Variants in SLX4IP observed in about 807,000 individuals in gnomAD.
SLX4IP encodes protein SLX4IP.
In SLX4IP, 34 loss-of-function variants were observed where a neutral mutation model predicts 32.9. That is an observed-to-expected ratio of 1.03 (90% CI 0.79 to 1.38). The LOEUF is 1.38. SLX4IP is among the 40% of genes most tolerant of loss of function. The pLI is 0.00. For synonymous variants in SLX4IP, 172 were observed against 171.7 expected (o/e 1.00, Z -0.01); for missense variants, 444 against 479.0 (o/e 0.93, Z 0.68).
At chr20:10,571,392 A>G (rs1327043738) in intron 4 of SLX4IP, among the ~76,000 whole-genome samples, 1 of 152,090 alleles carries the variant, frequency 6.6e-6, no homozygotes, top group African/African-American at 2.4e-5. Flanking sequence ...GAGAGTGCCC[A>G]TGGTCATTGA....
At chr20:10,613,577 A>C (rs1246513417) in intron 6 of SLX4IP, 1 of 1,612,688 alleles carries the variant, frequency 6.2e-7, no homozygotes, top group Non-Finnish European at 8.5e-7. Context: ...CCTTCAGGCT[A>C]TCCACGCCTT....
intron 1 of SLX4IP, among the ~76,000 whole-genome samples, chr20:10,456,365 G>A (rs1381573484): frequency 6.6e-6 from 1 of 151,938 alleles, no homozygotes; most frequent in Non-Finnish European, 1.5e-5. Context: ...TTTTTCAGAC[G>A]GAGTCTTGCT....
chr20:10,592,061 T>G (rs905661307), intron 4 of SLX4IP, among the ~76,000 whole-genome samples: 1 of 152,212 alleles, frequency 6.6e-6, no homozygotes, highest in Non-Finnish European at 1.5e-5. Context: ...CATGAAACAT[T>G]TCATGCTCCA....
chr20:10,514,158 G>T (rs2065832031), intron 2 of SLX4IP, among the ~76,000 whole-genome samples: 1 of 152,114 alleles, frequency 6.6e-6, no homozygotes, highest in Non-Finnish European at 1.5e-5. Flanking sequence ...CTCTAGGTTT[G>T]GTTACAAAAC....
intron 1 of SLX4IP, among the ~76,000 whole-genome samples, chr20:10,452,296 T>C (rs1219459036): frequency 2.6e-5 from 4 of 151,926 alleles, no homozygotes; most frequent in African/African-American, 7.3e-5. Flanking sequence ...TTTGGGAGGC[T>C]GAGGCTGGTG....
intron 2 of SLX4IP, among the ~76,000 whole-genome samples, chr20:10,522,974 C>T (rs2065911998): frequency 6.6e-6 from 1 of 152,180 alleles, no homozygotes; most frequent in Admixed American, 6.5e-5. Flanking sequence ...TCTCTCTAAG[C>T]CCTGATCATC....
chr20:10,620,560 C>CTT (rs1005373433), intron 6 of SLX4IP, among the ~76,000 whole-genome samples: 1 of 147,038 alleles, frequency 6.8e-6, no homozygotes. Context: ...ATAAAATATT[C>CTT]TTTTTTTTTT....
At position 10,627,570 on chromosome 20, in the gene SLX4IP, A is replaced by G. The variant is rs895798614; in HGVS notation, c.*4191A>G. On this transcript the variant is annotated 3_prime_UTR_variant, in exon 8 of 8. Coordinates refer to ENST00000334534, the MANE Select transcript of SLX4IP (RefSeq NM_001009608.3). Reference sequence around the variant, plus strand: ...CAAGACAGGGAACAAATATGTGTCAATGTGCAGCTTAACAGAGGGGACTTG... The same window carrying G: ...CAAGACAGGGAACAAATATGTGTCAGTGTGCAGCTTAACAGAGGGGACTTG... 2.0e-5 allele frequency: 3 copies of G among 152,380 alleles called. No homozygotes were observed. Among genetic ancestry groups the G allele is most frequent in the Non-Finnish European group, 2.9e-5 (2 of 68,036 alleles). 9.4% of individuals were successfully genotyped at this position (152,380 alleles called of 1,614,324 possible).
At chr20:10,568,154 A>G (rs1392567501) in intron 4 of SLX4IP, among the ~76,000 whole-genome samples, 2 of 152,242 alleles carry the variant, frequency 1.3e-5, no homozygotes, top group Non-Finnish European at 2.9e-5. Context: ...ATCTGTCACC[A>G]TCTGACATGC....
At chr20:10,585,224 G>C (rs1468246352) in intron 4 of SLX4IP, among the ~76,000 whole-genome samples, 1 of 152,170 alleles carries the variant, frequency 6.6e-6, no homozygotes, top group Non-Finnish European at 1.5e-5. Flanking sequence ...CCTCCGAAAT[G>C]CTACCAATCA....
intron 4 of SLX4IP, among the ~76,000 whole-genome samples, chr20:10,567,304 A>G (rs969328645): frequency 6.6e-6 from 1 of 152,206 alleles, no homozygotes; most frequent in Non-Finnish European, 1.5e-5. Flanking sequence ...TCCCCAATGC[A>G]ATAGTGTTAG....
At chr20:10,577,189 T>C (rs2066532468) in intron 4 of SLX4IP, among the ~76,000 whole-genome samples, 1 of 152,188 alleles carries the variant, frequency 6.6e-6, no homozygotes, top group South Asian at 2.1e-4. Flanking sequence ...TCTAGAAGAC[T>C]GAGATTTTTG....
At chr20:10,565,860 C>G (rs182588449) in intron 4 of SLX4IP, among the ~76,000 whole-genome samples, 2 of 152,296 alleles carry the variant, frequency 1.3e-5, no homozygotes, top group Admixed American at 1.3e-4. Flanking sequence ...AGTCCCAGCT[C>G]CAAGTCCAGG....
Position 10,617,294 on chromosome 20 carries a change from C to T in SLX4IP, c.406-4020C>T, listed in dbSNP as rs181758630. The stretch of plus-strand genomic sequence containing the variant: ...CTAAATATAGATGCCCTCGCCCCAT[C>T]CCAGATCTTGTGAATCAGAACTTCC... On this transcript the variant is annotated intron_variant, in intron 6 of 7. Coordinates refer to ENST00000334534, the MANE Select transcript of SLX4IP (RefSeq NM_001009608.3). Among the ~76,000 whole-genome samples, 351 of 152,326 alleles carry T rather than the reference C, an allele frequency of 2.3e-3. 1 individual carries two copies. Among genetic ancestry groups the T allele is most frequent in the Non-Finnish European group, 3.9e-3 (262 of 68,034 alleles).
rs55864383 is a variant in SLX4IP at position 10,518,449 on chromosome 20, TC to T, written c.28-37780del. Among the ~76,000 whole-genome samples, 739 of 89,820 alleles carry T rather than the reference TC, an allele frequency of 8.2e-3. 35 individuals carry two copies. The highest frequency in any genetic ancestry group is 0.015 in the South Asian group (26 of 1,682). The allele number at this position is 89,820 out of a possible 152,430, so 58.9% of individuals were successfully genotyped here. ...CCTCCCTCCCTCCTTCTTCCTTCCT[TC>T]CTTCCTTCCTTCCTTTCCTTTCTTT... On this transcript the variant is annotated intron_variant, in intron 2 of 7. Coordinates refer to ENST00000334534, the MANE Select transcript of SLX4IP (RefSeq NM_001009608.3).
intron 1 of SLX4IP, among the ~76,000 whole-genome samples, chr20:10,457,443 G>GT (rs200528822): frequency 0.4 from 56,191 of 140,818 alleles, 11,787 homozygotes; most frequent in Non-Finnish European, 0.49. Context: ...AGCATTTTGG[G>GT]TTTTTTTTTT....
At chr20:10,447,186 G>T (rs2065209130) in intron 1 of SLX4IP, among the ~76,000 whole-genome samples, 1 of 152,166 alleles carries the variant, frequency 6.6e-6, no homozygotes, top group Admixed American at 6.5e-5. Flanking sequence ...TAATTTCACA[G>T]TGCTGCTCCC....
intron 2 of SLX4IP, among the ~76,000 whole-genome samples, chr20:10,529,595 A>G (rs1171796358): frequency 6.6e-6 from 1 of 150,406 alleles, no homozygotes; most frequent in Non-Finnish European, 1.5e-5. Context: ...CATCTCAAAA[A>G]AAAAAAAAAA....
At chr20:10,551,704 T>G (rs2066219630) in intron 2 of SLX4IP, among the ~76,000 whole-genome samples, 1 of 152,078 alleles carries the variant, frequency 6.6e-6, no homozygotes, top group Non-Finnish European at 1.5e-5. Flanking sequence ...TCAGAATAGC[T>G]TCACAGAGTT....
Sources: gnomAD v4.1 joint callset for allele counts (sites outside exome capture counted in the v4.1 genomes callset) on GRCh38, gnomAD v4.1.1 for gene constraint, MANE v1.5 for transcripts, NCBI Gene and HGNC (gene_info 2026-07-23, HGNC 2026-07-21) for gene names.